The following TRPM2 variants were observed in gnomAD, a reference collection of about 807,000 sequenced individuals.
The protein encoded by TRPM2 is estrogen-responsive element-associated gene 1 protein.
In TRPM2, 161 loss-of-function variants were observed where a neutral mutation model predicts 174.0. The observed-to-expected ratio is 0.93, with a 90% CI of 0.81 to 1.05. TRPM2 has a LOEUF of 1.05. Among genes scored for constraint, TRPM2 ranks in the 50% least tolerant of loss-of-function variants. The pLI, the probability that TRPM2 is intolerant of heterozygous loss-of-function variation, is 0.00. For synonymous variants in TRPM2, 954 were observed against 861.3 expected (o/e 1.11, Z -1.88); for missense variants, 2,057 against 2,038.0 (o/e 1.01, Z -0.18).
At position 44,353,649 on chromosome 21, in the gene TRPM2, G is replaced by A; in HGVS notation, c.-52G>A. The A allele has an allele frequency of 4.2e-6, 6 of 1,412,212 alleles. No homozygotes were observed. Among genetic ancestry groups the A allele is most frequent in the Non-Finnish European group, 5.5e-6 (6 of 1,083,568 alleles). 87.5% of individuals were successfully genotyped at this position (1,412,212 alleles called of 1,614,324 possible). A position where few individuals can be genotyped will look rare whatever the true frequency, so the allele number is the denominator to read the frequency against. ...ACCCCAGTGTAGCGAGCTGGAGAGAGGACTGTCCTGAGGGCAGCAGGCCTG... is the reference window on the plus strand; with the variant it reads ...ACCCCAGTGTAGCGAGCTGGAGAGAAGACTGTCCTGAGGGCAGCAGGCCTG... On this transcript the variant is annotated 5_prime_UTR_variant, in exon 1 of 32. Transcript: ENST00000397928.
rs201919755 is a variant in TRPM2 at position 44,439,135 on chromosome 21, G to C, written c.4236G>C (p.Pro1412=). Residue 1412 remains proline, a synonymous_variant, in exon 30 of 32, where the codon CCG becomes CCC. Coordinates refer to ENST00000397928, the MANE Select transcript of TRPM2 (RefSeq NM_003307.4). The surrounding 1 kb of genome is among the most constrained non-coding windows in gnomAD (Gnocchi z 5.1). ...LKRILRQEHW[P]SFENLLKCGM... ...GGATCCTCCGGCAGGAGCACTGGCCGTCTTTTGAAAACTTGCTGAAGTGCG... is the reference window on the plus strand; with the variant it reads ...GGATCCTCCGGCAGGAGCACTGGCCCTCTTTTGAAAACTTGCTGAAGTGCG... The C allele has an allele frequency of 1.4e-4, 228 of 1,613,756 alleles. 2 individuals carry two copies. In the Middle Eastern group the frequency reaches 2.5e-3, roughly 18 times the overall value.
In TRPM2 at chr21:44,439,084, G is replaced by A. The variant is rs200538455; in HGVS notation, c.4185G>A (p.Gly1395=). The A allele has an allele frequency of 1.2e-6, 2 of 1,613,350 alleles. No individual in the cohort carries two copies. Among genetic ancestry groups the A allele is most frequent in the East Asian group, 4.5e-5 (2 of 44,858 alleles). Reference sequence around the variant, plus strand: ...CTGTCCAGGGCTCCCGGGAGCCAGGGGAGATGCTACCTCGGAAGCTGAAGC... The same window carrying A: ...CTGTCCAGGGCTCCCGGGAGCCAGGAGAGATGCTACCTCGGAAGCTGAAGC... The part of the protein sequence containing the change: ...WALPGGSREP[G]EMLPRKLKRI... The change falls in exon 30 of 32, where the codon GGG becomes GGA. Residue 1395 remains glycine, a synonymous_variant. Transcript: ENST00000397928. The surrounding 1 kb of genome is among the most constrained non-coding windows in gnomAD (Gnocchi z 5.1).
At chr21:44,377,523 T>C (rs1423789827) in intron 6 of TRPM2, among the ~76,000 whole-genome samples, 189 bp from the exon 7 acceptor site, 1 of 152,232 alleles carries the variant, frequency 6.6e-6, no homozygotes, top group African/African-American at 2.4e-5. Flanking sequence ...GCAAGAGGCC[T>C]CCCAGCAGGT....
intron 2 of TRPM2, 86 bp from the exon 3 acceptor site, chr21:44,364,028 G>A (rs1244362655): frequency 2.8e-6 from 4 of 1,439,242 alleles, no homozygotes; most frequent in Admixed American, 5.1e-5. Context: ...GAAGGTTGCG[G>A]CTTTCCACTG....
chr21:44,423,604 A>G (rs1401501100), intron 22 of TRPM2, 41 bp from the exon 23 acceptor site: 5 of 1,568,474 alleles, frequency 3.2e-6, no homozygotes, highest in Non-Finnish European at 4.3e-6. Context: ...CCAGGGCCCC[A>G]AGGTGTGGTG....
chr21:44,366,415 G>T lies in TRPM2; in HGVS notation c.424-339G>T, dbSNP rs1276061012. 6.6e-6 allele frequency among the ~76,000 whole-genome samples: 1 copy of T among 152,088 alleles called. No individual in the cohort carries two copies. The highest frequency in any genetic ancestry group is 1.5e-5 in the Non-Finnish European group (1 of 68,016). ...AGGCAGGGCCCAGGCGCTACGGCGG[G>T]AATTGGAGTCTGTGCTGGCGCATGT... On this transcript the variant is annotated intron_variant, in intron 3 of 31. Coordinates refer to ENST00000397928, the MANE Select transcript of TRPM2 (RefSeq NM_003307.4). This position sits in a 1 kb window ranked among gnomAD's most constrained non-coding sequence, Gnocchi z 6.0.
chr21:44,426,223 C>T (rs577348772), intron 25 of TRPM2, among the ~76,000 whole-genome samples: 111 of 151,988 alleles, frequency 7.3e-4, no homozygotes, highest in African/African-American at 2.6e-3. Flanking sequence ...GACAGAGACA[C>T]AGAGACAGAG....
At chr21:44,425,230 G>A (rs1360971305) in intron 24 of TRPM2, 10 of 432,882 alleles carry the variant, frequency 2.3e-5, no homozygotes, top group Non-Finnish European at 3.3e-5. Flanking sequence ...GTGGGGGTGC[G>A]AGGCGGGCGG....
rs111952101 is a variant in TRPM2 at position 44,438,605 on chromosome 21, C to T, written c.4168-462C>T. On this transcript the variant is annotated intron_variant, in intron 29 of 31. Coordinates refer to ENST00000397928, the MANE Select transcript of TRPM2 (RefSeq NM_003307.4). The surrounding 1 kb of genome is among the most constrained non-coding windows in gnomAD (Gnocchi z 5.9). ...GGAGCTGGGTCCCTGAGTCAGGTGGCGCTCGGGAGCGTCTGGGAGCCCAGC... is the reference window on the plus strand; with the variant it reads ...GGAGCTGGGTCCCTGAGTCAGGTGGTGCTCGGGAGCGTCTGGGAGCCCAGC... 2.1e-3 allele frequency among the ~76,000 whole-genome samples: 313 copies of T among 152,134 alleles called. 3 individuals carry two copies. The highest frequency in any genetic ancestry group is 7.3e-3 in the African/African-American group (305 of 41,500).
chr21:44,365,828 G>T lies in TRPM2; in HGVS notation c.424-926G>T, dbSNP rs574953277. On this transcript the variant is annotated intron_variant, in intron 3 of 31. Transcript: ENST00000397928. Reference sequence around the variant, plus strand: ...AAGCCCGGGAGCGTCCACCATGCAGGCCACAGCCCTGCTCCTCCCAGGGAG... The same window carrying T: ...AAGCCCGGGAGCGTCCACCATGCAGTCCACAGCCCTGCTCCTCCCAGGGAG... Among the ~76,000 whole-genome samples the T allele has an allele frequency of 6.3e-4, 96 of 152,332 alleles. 1 individual carries two copies. The highest frequency in any genetic ancestry group is 1.1e-3 in the Non-Finnish European group (77 of 68,030).
At chr21:44,382,622 G>A in intron 8 of TRPM2, 96 bp from the exon 9 acceptor site, 2 of 1,199,168 alleles carry the variant, frequency 1.7e-6, no homozygotes, top group Non-Finnish European at 2.4e-6. Flanking sequence ...AGGACCCAAG[G>A]CTCTGGCTGT....
intron 3 of TRPM2, among the ~76,000 whole-genome samples, chr21:44,365,023 G>C (rs1282041623): frequency 1.3e-5 from 2 of 152,044 alleles, no homozygotes; most frequent in Admixed American, 6.5e-5. Flanking sequence ...CCTTTTGGAG[G>C]GTTCTGAGAC....
At chr21:44,390,104 C>T (rs774171278) in intron 9 of TRPM2, among the ~76,000 whole-genome samples, 4 of 152,104 alleles carry the variant, frequency 2.6e-5, no homozygotes, top group Non-Finnish European at 5.9e-5. Context: ...GATCTCCTGA[C>T]CTCATGATCC....
Position 44,390,933 on chromosome 21 carries a change from G to A in TRPM2, c.1348G>A (p.Glu450Lys), listed in dbSNP as rs764168148. The A allele has an allele frequency of 6.2e-6, 10 of 1,614,066 alleles. No individual in the cohort carries two copies. The highest frequency in any genetic ancestry group is 2.2e-5 in the East Asian group (1 of 44,870). Residue 450 changes from glutamate to lysine, a missense_variant, in exon 10 of 32, where the codon GAG becomes AAG. Coordinates refer to ENST00000397928, the MANE Select transcript of TRPM2 (RefSeq NM_003307.4). ...ASRSQDHFGH[E>K]NWDHQLKLAV... ...ACGGAGCCAAGACCACTTTGGCCAC[G>A]AGAACTGGGACCACCAGCTGAAACT...
intron 18 of TRPM2, 136 bp downstream of exon 18, chr21:44,406,173 G>A: frequency 8.5e-7 from 1 of 1,180,232 alleles, no homozygotes; most frequent in Non-Finnish European, 1.2e-6. Context: ...TTGCCCCTTG[G>A]GCTCCCAAGA....
intron 12 of TRPM2, among the ~76,000 whole-genome samples, chr21:44,397,393 T>C (rs2049461698): frequency 6.6e-6 from 1 of 152,186 alleles, no homozygotes; most frequent in South Asian, 2.1e-4. Context: ...TCTGTGGTTA[T>C]GTCCAGGGCC....
chr21:44,395,626 G>A (rs1471999539), intron 12 of TRPM2, 75 bp downstream of exon 12: 1 of 1,590,152 alleles, frequency 6.3e-7, no homozygotes, highest in Non-Finnish European at 8.5e-7. Flanking sequence ...TGGCTGGAGA[G>A]AGTGGCTGGA....
At chr21:44,401,391 C>T (rs1285020787) in intron 15 of TRPM2, among the ~76,000 whole-genome samples, 1 of 152,156 alleles carries the variant, frequency 6.6e-6, no homozygotes, top group Non-Finnish European at 1.5e-5. Context: ...TCCCTGTTTG[C>T]AGCCATTAAG....
chr21:44,374,602 G>A (rs934940726), intron 5 of TRPM2, among the ~76,000 whole-genome samples: 3 of 152,092 alleles, frequency 2.0e-5, no homozygotes, highest in South Asian at 2.1e-4. Context: ...CAGATCATTA[G>A]GCATTAGATT....
Sources: gnomAD v4.1 joint callset for allele counts (sites outside exome capture counted in the v4.1 genomes callset) on GRCh38, gnomAD v4.1.1 for gene constraint, Gnocchi (gnomAD v3.1) non-coding constraint, MANE v1.5 for transcripts, NCBI Gene and HGNC (gene_info 2026-07-23, HGNC 2026-07-21) for gene names.